The following MACROH2A2 variants were observed in gnomAD, a reference collection of about 807,000 sequenced individuals.
MACROH2A2 encodes core histone macro-H2A.2.
Under a neutral mutation model 37.6 loss-of-function variants are expected in MACROH2A2, and 6 were observed. The ratio of observed to expected loss-of-function variants is 0.16; its 90% CI spans 0.09 to 0.32. MACROH2A2 has a LOEUF of 0.32. Ranked by LOEUF, MACROH2A2 falls within the 10% of genes least tolerant of loss-of-function variation. MACROH2A2 has a pLI of 1.00. For synonymous variants in MACROH2A2, 192 were observed against 202.7 expected (o/e 0.95, Z 0.45); for missense variants, 290 against 485.9 (o/e 0.60, Z 3.79).
chr10:70,067,043 G>A (rs535888870), intron 1 of MACROH2A2, among the ~76,000 whole-genome samples: 35 of 152,280 alleles, frequency 2.3e-4, no homozygotes, highest in African/African-American at 7.7e-4. Flanking sequence ...CTTCAGGCAC[G>A]TGTTAACAGT....
intron 1 of MACROH2A2, among the ~76,000 whole-genome samples, chr10:70,068,696 G>T (rs56170861): frequency 6.6e-6 from 1 of 152,176 alleles, no homozygotes; most frequent in Non-Finnish European, 1.5e-5. Context: ...TGAACCATCG[G>T]GAGCTGGTAG....
In MACROH2A2 at chr10:70,107,058, T is replaced by C. The variant is rs1783413891; in HGVS notation, c.779-1975T>C. Among the ~76,000 whole-genome samples, 1 of 152,136 alleles carries C rather than the reference T, an allele frequency of 6.6e-6. No individual in the cohort carries two copies. The highest frequency in any genetic ancestry group is 2.4e-5 in the African/African-American group (1 of 41,446). ...TTCAGTCCAAAGAGGGACACTCTGC[T>C]TCTGGTGCACAAATATACGTGGTCG... On this transcript the variant is annotated intron_variant, in intron 7 of 8. Transcript: ENST00000373255. The surrounding 1 kb of genome is among the most constrained non-coding windows in gnomAD (Gnocchi z 4.4).
chr10:70,068,300 A>C (rs1406548857), intron 1 of MACROH2A2, among the ~76,000 whole-genome samples: 2 of 152,198 alleles, frequency 1.3e-5, no homozygotes, highest in East Asian at 3.8e-4. Flanking sequence ...TAATGTCTCC[A>C]GCATGTTCTT....
chr10:70,096,671 C>T (rs899957499), intron 6 of MACROH2A2, among the ~76,000 whole-genome samples: 2 of 152,114 alleles, frequency 1.3e-5, no homozygotes, highest in African/African-American at 2.4e-5. Context: ...AAACTCTCCA[C>T]GGAAAGGGTA....
rs575828565 is a variant in MACROH2A2 at position 70,054,603 on chromosome 10, G to C, written c.-60+1603G>C. On this transcript the variant is annotated intron_variant, in intron 1 of 8. Transcript: ENST00000373255. ...AAAAAGAAAACATTATTAAGAGCGA[G>C]AACGTGTCTTCGTGTGTGTTGTTTT... 2.0e-5 allele frequency among the ~76,000 whole-genome samples: 3 copies of C among 152,332 alleles called. No homozygotes were observed. In the South Asian group the frequency reaches 6.2e-4, roughly 32 times the overall value.
At chr10:70,070,722 A>T (rs927343524) in intron 1 of MACROH2A2, among the ~76,000 whole-genome samples, 1 of 152,168 alleles carries the variant, frequency 6.6e-6, no homozygotes, top group Admixed American at 6.5e-5. Flanking sequence ...TCCTGACCTC[A>T]GGTGATCCAC....
Position 70,079,923 on chromosome 10 carries a change from C to T in MACROH2A2, c.172+4093C>T, listed in dbSNP as rs546326523. Among the ~76,000 whole-genome samples, 59 of 152,160 alleles carry T rather than the reference C, an allele frequency of 3.9e-4. 1 individual carries two copies. The highest frequency in any genetic ancestry group is 7.5e-4 in the Non-Finnish European group (51 of 68,000). ...AGCTACTTTCTCTCAGGCCACACTG[C>T]CATGGGGTGAGAAGTAGATTGAGGT... is the stretch of plus-strand genomic sequence containing the variant. On this transcript the variant is annotated intron_variant, in intron 2 of 8. Transcript: ENST00000373255.
intron 6 of MACROH2A2, among the ~76,000 whole-genome samples, chr10:70,097,045 T>C (rs1000784548): frequency 2.6e-5 from 4 of 152,216 alleles, no homozygotes; most frequent in African/African-American, 9.7e-5. Flanking sequence ...AGAAAAATAA[T>C]ATGCTTCTTT....
At chr10:70,110,687 C>T (rs1347860627) in intron 8 of MACROH2A2, among the ~76,000 whole-genome samples, 1 of 151,442 alleles carries the variant, frequency 6.6e-6, no homozygotes, top group Non-Finnish European at 1.5e-5. Flanking sequence ...GAGTTCGAGA[C>T]CAGCCTGGGC....
At chr10:70,070,115 C>T (rs2072100602) in intron 1 of MACROH2A2, among the ~76,000 whole-genome samples, 3 of 152,174 alleles carry the variant, frequency 2.0e-5, no homozygotes, top group Admixed American at 6.5e-5. Context: ...GTCCAGGGAC[C>T]TCACAGCCCT....
Position 70,111,668 on chromosome 10 carries a change from G to A in MACROH2A2, c.1104G>A (p.Lys368=). 6.2e-7 allele frequency: 1 copy of A among 1,607,854 alleles called. No homozygotes were observed. The highest frequency in any genetic ancestry group is 8.5e-7 in the Non-Finnish European group (1 of 1,176,544). The change falls in exon 9 of 9, where the codon AAG becomes AAA. Residue 368 remains lysine (K), a synonymous_variant. Transcript: ENST00000373255. ...SIGIYVQEMA[K]LDAK is the part of the protein sequence containing the mutation. ...GCATCTACGTGCAGGAGATGGCCAA[G>A]CTCGACGCCAAGTAGCCGCCGCACT...
chr10:70,104,197 T>C (rs1033911858), intron 7 of MACROH2A2, among the ~76,000 whole-genome samples: 3 of 152,194 alleles, frequency 2.0e-5, no homozygotes, highest in Admixed American at 6.5e-5. Flanking sequence ...AGATATACTC[T>C]TATTGTATGT....
chr10:70,089,596 C>CA (rs1266846900), intron 2 of MACROH2A2, among the ~76,000 whole-genome samples: 1 of 151,330 alleles, frequency 6.6e-6, no homozygotes, highest in African/African-American at 2.4e-5. Flanking sequence ...ATGGGCTTGG[C>CA]AAAAAAAATC....
At chr10:70,073,749 A>G (rs1447500619) in intron 1 of MACROH2A2, among the ~76,000 whole-genome samples, 1 of 151,994 alleles carries the variant, frequency 6.6e-6, no homozygotes, top group Non-Finnish European at 1.5e-5. Context: ...AAATCTGTTC[A>G]CTCTTTCACC....
rs2072343942 is a variant in MACROH2A2, at chr10:70,107,275, T to C, written c.779-1758T>C. Among the ~76,000 whole-genome samples the C allele has an allele frequency of 6.6e-6, 1 of 152,180 alleles. No homozygotes were observed. Among genetic ancestry groups the C allele is most frequent in the South Asian group, 2.1e-4 (1 of 4,826 alleles). ...CTTCTACCCATGTGAGGAAGTGCAG[T>C]CAGCACTTCCCTGACACTGTGGACA... On this transcript the variant is annotated intron_variant, in intron 7 of 8. Transcript: ENST00000373255. This position sits in a 1 kb window ranked among gnomAD's most constrained non-coding sequence, Gnocchi z 4.4.
In MACROH2A2 at chr10:70,091,910, G is replaced by A. The variant is rs115009483; in HGVS notation, c.433G>A (p.Gly145Arg). 8.1e-5 allele frequency: 131 copies of A among 1,614,006 alleles called. No homozygotes were observed. Among genetic ancestry groups the A allele is most frequent in the South Asian group, 2.9e-4 (26 of 91,074 alleles). ...RGRKATSGKK[G>R]GKKSKAAKPR... ...CAGGAAGGCCACGTCAGGCAAGAAGGGGGGGAAGAAATCCAAGGCTGCCAA... is the reference window on the plus strand; with the variant it reads ...CAGGAAGGCCACGTCAGGCAAGAAGAGGGGGAAGAAATCCAAGGCTGCCAA... Residue 145 changes from glycine to arginine, a missense_variant, in exon 4 of 9, where the codon GGG becomes AGG. Coordinates refer to ENST00000373255, the MANE Select transcript of MACROH2A2 (RefSeq NM_018649.3).
intron 2 of MACROH2A2, among the ~76,000 whole-genome samples, chr10:70,084,355 G>A (rs369381041): frequency 7.2e-5 from 11 of 152,350 alleles, no homozygotes; most frequent in African/African-American, 2.6e-4. Flanking sequence ...ATTTCCAGCA[G>A]ATGGTAGTAA....
intron 7 of MACROH2A2, among the ~76,000 whole-genome samples, chr10:70,100,653 G>T (rs2072301726): frequency 7.1e-6 from 1 of 140,442 alleles, no homozygotes; most frequent in Non-Finnish European, 1.5e-5. Flanking sequence ...GTCTCACTCT[G>T]TCGCCCAGGC....
intron 2 of MACROH2A2, among the ~76,000 whole-genome samples, chr10:70,084,416 G>A (rs2072198651): frequency 1.3e-5 from 2 of 152,190 alleles, no homozygotes; most frequent in South Asian, 4.1e-4. Flanking sequence ...GCTGGGCATG[G>A]TGGCTCACCT....
Sources: allele counts gnomAD v4.1 joint callset (sites outside exome capture counted in the v4.1 genomes callset), GRCh38; gene constraint gnomAD v4.1.1; non-coding constraint Gnocchi (gnomAD v3.1); transcripts MANE v1.5; gene names NCBI Gene and HGNC (gene_info 2026-07-23, HGNC 2026-07-21).